Variants in ABI3BP observed in about 807,000 individuals in gnomAD.
ABI3BP encodes the protein ABI family member 3 binding protein, also known as target of Nesh-SH3.
A neutral mutation model predicts 268.6 loss-of-function variants in ABI3BP; 216 were observed. The ratio of observed to expected loss-of-function variants is 0.80; its 90% CI spans 0.72 to 0.90. The LOEUF (loss-of-function observed/expected upper bound fraction) is 0.90, where lower values mean the gene tolerates loss of function less well. ABI3BP is among the 40% of genes least tolerant of loss of function. The pLI is 0.00. For synonymous variants in ABI3BP, 730 were observed against 730.0 expected (o/e 1.00, Z 0.00); for missense variants, 2,090 against 2,182.4 (o/e 0.96, Z 0.84).
At chr3:100,985,902 T>C (rs1000673309) in intron 1 of ABI3BP, among the ~76,000 whole-genome samples, 5 of 152,252 alleles carry the variant, frequency 3.3e-5, no homozygotes, top group Non-Finnish European at 7.3e-5. Flanking sequence ...AGATTTCCCA[T>C]ATTCATAGTT....
At chr3:100,847,787 A>C (rs1560768650) in intron 18 of ABI3BP, 114 bp from the exon 19 acceptor site, 14 of 830,502 alleles carry the variant, frequency 1.7e-5, no homozygotes, top group Non-Finnish European at 2.8e-5. Flanking sequence ...TAGTCAAAGT[A>C]TACAATGAGT....
intron 6 of ABI3BP, among the ~76,000 whole-genome samples, chr3:100,882,714 GA>G (rs1348678886): frequency 1.3e-5 from 2 of 151,958 alleles, no homozygotes; most frequent in African/African-American, 4.8e-5. Context: ...TAAATTCCCT[GA>G]GAGTAAAACG....
chr3:100,906,111 T>C lies in ABI3BP; in HGVS notation c.260-3425A>G, dbSNP rs180925492. Reference sequence around the variant, plus strand: ...ATTGTTCTCACTCTAGCAGAGTCTCTTAGAGTTAACCTTTTAGATTCTTCC... The same window carrying C: ...ATTGTTCTCACTCTAGCAGAGTCTCCTAGAGTTAACCTTTTAGATTCTTCC... On this transcript the variant is annotated intron_variant, in intron 2 of 67. Coordinates refer to ENST00000471714, the MANE Select transcript of ABI3BP (RefSeq NM_001375547.2). Among the ~76,000 whole-genome samples, 136 of 152,322 alleles carry C rather than the reference T, an allele frequency of 8.9e-4. 1 individual carries two copies. Among genetic ancestry groups the C allele is most frequent in the African/African-American group, 3.0e-3 (125 of 41,590 alleles).
At chr3:100,974,224 AT>A (rs1410206186) in intron 1 of ABI3BP, among the ~76,000 whole-genome samples, 1 of 152,210 alleles carries the variant, frequency 6.6e-6, no homozygotes, top group Non-Finnish European at 1.5e-5. Flanking sequence ...CAAACACTTA[AT>A]ATATGACAAA....
chr3:100,840,777 AG>A lies in ABI3BP; in HGVS notation c.1804+42del, dbSNP rs563534221. On this transcript the variant is annotated intron_variant, in intron 22 of 67. Coordinates refer to ENST00000471714, the MANE Select transcript of ABI3BP (RefSeq NM_001375547.2). ...TCTGTCAACACAGATACCAGCAGACAGGAAAAGAAGAAACAAAGGTCACCCA... is the reference window on the plus strand; with the variant it reads ...TCTGTCAACACAGATACCAGCAGACAGAAAAGAAGAAACAAAGGTCACCCA... 1.1e-4 allele frequency: 167 copies of A among 1,487,354 alleles called. No homozygotes were observed. In the African/African-American group the frequency reaches 2.1e-3, roughly 19 times the overall value. 92.1% of individuals were successfully genotyped at this position (1,487,354 alleles called of 1,614,324 possible).
At chr3:100,873,475 C>T (rs184085248) in intron 9 of ABI3BP, among the ~76,000 whole-genome samples, 21 of 152,088 alleles carry the variant, frequency 1.4e-4, no homozygotes, top group South Asian at 4.2e-4. Flanking sequence ...TTGTGGGATC[C>T]GCACTGTACC....
At chr3:100,770,457 C>T (rs962967998) in intron 62 of ABI3BP, among the ~76,000 whole-genome samples, 2 of 152,154 alleles carry the variant, frequency 1.3e-5, no homozygotes, top group Admixed American at 6.5e-5. Flanking sequence ...TAATGAAAGA[C>T]TAGCTTCTTC....
chr3:100,814,898 T>G lies in ABI3BP; in HGVS notation c.3289+1014A>C, dbSNP rs116508502. ...TGGATAGATCTCCCTCAGCTATGAA[T>G]CTAATAATGAGCCCTGTAATTGTCA... On this transcript the variant is annotated intron_variant, in intron 44 of 67. Coordinates refer to ENST00000471714, the MANE Select transcript of ABI3BP (RefSeq NM_001375547.2). Among the ~76,000 whole-genome samples, 541 of 152,262 alleles carry G rather than the reference T, an allele frequency of 3.6e-3. 4 individuals carry two copies. Among genetic ancestry groups the G allele is most frequent in the African/African-American group, 0.01 (428 of 41,566 alleles).
intron 2 of ABI3BP, among the ~76,000 whole-genome samples, chr3:100,919,221 A>AT (rs1234004120): frequency 6.6e-6 from 1 of 151,646 alleles, no homozygotes; most frequent in African/African-American, 2.4e-5. Context: ...TCCTTCAGTT[A>AT]TTTTCAACCC....
At position 100,854,775 on chromosome 3, in the gene ABI3BP, G is replaced by A. The variant is rs192119271; in HGVS notation, c.1286-2835C>T. 6.0e-3 allele frequency among the ~76,000 whole-genome samples: 920 copies of A among 152,212 alleles called. 3 individuals carry two copies. The highest frequency in any genetic ancestry group is 8.9e-3 in the Non-Finnish European group (605 of 68,022). ...ATAAAATAGATAATTCAATTTACAGGTTATAAAAGTCAACATTAGATTATT... is the reference window on the plus strand; with the variant it reads ...ATAAAATAGATAATTCAATTTACAGATTATAAAAGTCAACATTAGATTATT... On this transcript the variant is annotated intron_variant, in intron 14 of 67. Transcript: ENST00000471714.
At chr3:100,892,733 C>G (rs957394763) in intron 4 of ABI3BP, among the ~76,000 whole-genome samples, 4 of 152,146 alleles carry the variant, frequency 2.6e-5, no homozygotes, top group Non-Finnish European at 5.9e-5. Context: ...TAGTAAGGTT[C>G]CCTACATGAC....
rs140686539 is a variant in ABI3BP, at chr3:100,937,666, T to C, written c.80-11185A>G. ...TTAGTTTTAATAGGGTCTAATATTA[T>C]TATTCACCACTCAACAAACATAAAG... On this transcript the variant is annotated intron_variant, in intron 1 of 67. Transcript: ENST00000471714. Among the ~76,000 whole-genome samples, 243 of 152,168 alleles carry C rather than the reference T, an allele frequency of 1.6e-3. 1 individual carries two copies. The highest frequency in any genetic ancestry group is 5.5e-3 in the African/African-American group (227 of 41,560).
intron 57 of ABI3BP, among the ~76,000 whole-genome samples, 174 bp downstream of exon 57, chr3:100,787,554 G>C (rs533941652): frequency 6.6e-6 from 1 of 152,202 alleles, no homozygotes; most frequent in East Asian, 1.9e-4. Flanking sequence ...ACTATTTTTA[G>C]AGACATTTGA....
intron 18 of ABI3BP, among the ~76,000 whole-genome samples, chr3:100,848,551 G>T (rs1421039641): frequency 6.6e-6 from 1 of 151,202 alleles, no homozygotes; most frequent in Non-Finnish European, 1.5e-5. Context: ...GCCCACTGCA[G>T]CCTCAAACTT....
chr3:100,908,049 G>A (rs958412418), intron 2 of ABI3BP, among the ~76,000 whole-genome samples: 2 of 151,206 alleles, frequency 1.3e-5, no homozygotes, highest in African/African-American at 4.9e-5. Context: ...CTGGGAGGCA[G>A]AAGTTGCAGT....
intron 1 of ABI3BP, among the ~76,000 whole-genome samples, chr3:100,959,014 A>C (rs2077840785): frequency 6.6e-6 from 1 of 152,172 alleles, no homozygotes; most frequent in Non-Finnish European, 1.5e-5. Flanking sequence ...CCACGGGGGA[A>C]GAACAACCAT....
chr3:100,791,660 T>G (rs1259883005), intron 55 of ABI3BP, among the ~76,000 whole-genome samples: 2 of 151,750 alleles, frequency 1.3e-5, no homozygotes, highest in Non-Finnish European at 2.9e-5. Context: ...TAATTATAAA[T>G]TAACAGCAAA....
intron 15 of ABI3BP, among the ~76,000 whole-genome samples, chr3:100,851,347 C>T (rs142738856): frequency 2.9e-3 from 446 of 152,244 alleles, no homozygotes; most frequent in Non-Finnish European, 4.6e-3. Flanking sequence ...AGGTTTCTCA[C>T]GTTAGCACTA....
chr3:100,915,955 C>A (rs2058479660), intron 2 of ABI3BP, among the ~76,000 whole-genome samples: 1 of 152,198 alleles, frequency 6.6e-6, no homozygotes, highest in African/African-American at 2.4e-5. Flanking sequence ...AACTATTTAT[C>A]TTACCCACTT....
Sources: gnomAD v4.1 joint callset for allele counts (sites outside exome capture counted in the v4.1 genomes callset) on GRCh38, gnomAD v4.1.1 for gene constraint, MANE v1.5 for transcripts, NCBI Gene and HGNC (gene_info 2026-07-23, HGNC 2026-07-21) for gene names.